Variants in NFKB1 observed in about 807,000 individuals in gnomAD.
NFKB1 encodes the protein nuclear factor NF-kappa-B p105 subunit.
In NFKB1, 9 loss-of-function variants were observed where a neutral mutation model predicts 105.1. The observed-to-expected ratio is 0.09, with a 90% confidence interval of 0.05 to 0.15. The LOEUF is 0.15. Ranked by LOEUF, NFKB1 falls within the 10% of genes least tolerant of loss-of-function variation. NFKB1 has a pLI of 1.00. For synonymous variants in NFKB1, 440 were observed against 442.2 expected (o/e 1.00, Z 0.06); for missense variants, 830 against 1,203.7 (o/e 0.69, Z 4.59).
Position 102,616,431 on chromosome 4 carries a change from C to G in NFKB1, c.2750-3C>G. The stretch of plus-strand genomic sequence containing the variant: ...CCAGTGAATTTGTGCTTTCTCCCCT[C>G]AGACGAGCTCCGAGACAGTGACAGT... On this transcript the variant is annotated splice_polypyrimidine_tract_variant and splice_region_variant and intron_variant, in intron 23 of 23. Transcript: ENST00000226574. 1 of 1,613,712 alleles carries G rather than the reference C, an allele frequency of 6.2e-7. No individual in the cohort carries two copies. The highest frequency in any genetic ancestry group is 1.1e-5 in the South Asian group (1 of 91,044).
intron 23 of NFKB1, among the ~76,000 whole-genome samples, chr4:102,615,420 A>C (rs533410363): frequency 2.6e-5 from 4 of 151,870 alleles, no homozygotes; most frequent in African/African-American, 9.7e-5. Flanking sequence ...CTTTCTTGCC[A>C]CTCAGTTTCA....
chr4:102,515,674 C>T (rs1292587199), intron 1 of NFKB1, among the ~76,000 whole-genome samples: 4 of 152,068 alleles, frequency 2.6e-5, no homozygotes, highest in African/African-American at 4.8e-5. Context: ...CAATGTTATA[C>T]TTCTGTTTGT....
At chr4:102,556,323 T>C (rs1313219387) in intron 5 of NFKB1, among the ~76,000 whole-genome samples, 1 of 152,144 alleles carries the variant, frequency 6.6e-6, no homozygotes, top group Non-Finnish European at 1.5e-5. Flanking sequence ...GAGATTTCAA[T>C]TTAGCCATCA....
Position 102,616,700 on chromosome 4 carries a change from C to G in NFKB1, c.*106C>G. 1 of 1,131,342 alleles carries G rather than the reference C, an allele frequency of 8.8e-7. No homozygotes were observed. The highest frequency in any genetic ancestry group is 1.2e-6 in the Non-Finnish European group (1 of 806,688). 70.1% of individuals were successfully genotyped at this position (1,131,342 alleles called of 1,614,324 possible). On this transcript the variant is annotated 3_prime_UTR_variant, in exon 24 of 24. Transcript: ENST00000226574. ...ATCCAAAGGTGCTCAGAGAGCCGGC[C>G]CGCCTGAATCATTCTCGATTTAACT...
intron 11 of NFKB1, among the ~76,000 whole-genome samples, chr4:102,587,182 C>T (rs1444297956): frequency 6.6e-6 from 1 of 152,228 alleles, no homozygotes; most frequent in Non-Finnish European, 1.5e-5. Flanking sequence ...CCTCTCCTTA[C>T]TTCCCTATCA....
chr4:102,578,915 G>A lies in NFKB1; in HGVS notation c.606G>A (p.Leu202=). ...REKELIRQAA[L]QQTKEMDLSV... The stretch of plus-strand genomic sequence containing the variant: ...AAGAGCTAATCCGCCAAGCAGCTCT[G>A]CAGCAGACCAAGGAGATGGACCTCA... Residue 202 remains leucine (L), a synonymous_variant, in exon 8 of 24, where the codon CTG becomes CTA. Coordinates refer to ENST00000226574, the MANE Select transcript of NFKB1 (RefSeq NM_003998.4). The A allele has an allele frequency of 6.2e-7, 1 of 1,614,128 alleles. No individual in the cohort carries two copies. The highest frequency in any genetic ancestry group is 8.5e-7 in the Non-Finnish European group (1 of 1,179,998).
chr4:102,596,398 GAT>G, intron 14 of NFKB1, 66 bp downstream of exon 14: 1 of 1,263,384 alleles, frequency 7.9e-7, no homozygotes, highest in African/African-American at 1.5e-5. Context: ...GGTGCAGAAA[GAT>G]ATCTGCTAAT....
chr4:102,558,903 A>G (rs1290146070), intron 5 of NFKB1, among the ~76,000 whole-genome samples: 1 of 152,214 alleles, frequency 6.6e-6, no homozygotes, highest in Non-Finnish European at 1.5e-5. Flanking sequence ...TTATTAATGT[A>G]TAGAGAAAAA....
At chr4:102,502,343 G>GTC (rs144715254) in intron 1 of NFKB1, among the ~76,000 whole-genome samples, 39 of 134,008 alleles carry the variant, frequency 2.9e-4, no homozygotes, top group Admixed American at 1.1e-3. Flanking sequence ...CTCGCTCTCT[G>GTC]TCTCTCTCTC....
At chr4:102,525,858 A>G (rs1740876538) in intron 2 of NFKB1, among the ~76,000 whole-genome samples, 1 of 152,178 alleles carries the variant, frequency 6.6e-6, no homozygotes, top group African/African-American at 2.4e-5. Context: ...TTAAAACAAC[A>G]AAATACATTA....
chr4:102,571,360 T>C (rs1233920286), intron 6 of NFKB1, among the ~76,000 whole-genome samples: 1 of 152,046 alleles, frequency 6.6e-6, no homozygotes, highest in Non-Finnish European at 1.5e-5. Context: ...TTAAATGTTA[T>C]ATCTAAAACC....
chr4:102,562,593 G>A (rs1723530425), intron 5 of NFKB1, among the ~76,000 whole-genome samples: 1 of 152,146 alleles, frequency 6.6e-6, no homozygotes, highest in African/African-American at 2.4e-5. Context: ...GCCAAGCACT[G>A]CATTAACTCA....
chr4:102,556,462 G>T (rs758177608), intron 5 of NFKB1, among the ~76,000 whole-genome samples: 22 of 152,134 alleles, frequency 1.4e-4, no homozygotes, highest in Non-Finnish European at 3.1e-4. Context: ...GAAGAAGAGT[G>T]CCTTAGCAAA....
intron 19 of NFKB1, among the ~76,000 whole-genome samples, chr4:102,608,556 GATC>G (rs1728044420): frequency 6.6e-6 from 1 of 152,076 alleles, no homozygotes; most frequent in Non-Finnish European, 1.5e-5. Context: ...TATCCATGCT[GATC>G]TTTGAATCTC....
chr4:102,559,333 A>G (rs567972193), intron 5 of NFKB1, among the ~76,000 whole-genome samples: 26 of 152,302 alleles, frequency 1.7e-4, no homozygotes, highest in African/African-American at 6.0e-4. Flanking sequence ...CCCTTGCACT[A>G]ATCACTCAGC....
intron 18 of NFKB1, 146 bp downstream of exon 18, chr4:102,607,465 CT>C: frequency 1.8e-6 from 2 of 1,117,104 alleles, no homozygotes; most frequent in Non-Finnish European, 2.6e-6. Context: ...AGAGTACCAC[CT>C]TTAGACATTC....
chr4:102,616,566 A>G lies in NFKB1; in HGVS notation c.2882A>G (p.Gln961Arg), dbSNP rs1398945464. The G allele has an allele frequency of 1.2e-6, 2 of 1,614,156 alleles. No individual in the cohort carries two copies. The highest frequency in any genetic ancestry group is 3.3e-5 in the Admixed American group (2 of 60,012). Reference protein sequence around the residue: ...TLNKMPHDYGQEGPLEGKI With the variant: ...TLNKMPHDYGREGPLEGKI ...AACAAAATGCCCCATGATTATGGGC[A>G]GGAAGGACCTCTAGAAGGCAAAATT... The change falls in exon 24 of 24, where the codon CAG becomes CGG. Residue 961 changes from glutamine (Q) to arginine (R), a missense_variant. Gln to Arg is a conservative substitution (Grantham distance 43, BLOSUM62 1). Transcript: ENST00000226574.
intron 2 of NFKB1, among the ~76,000 whole-genome samples, chr4:102,528,834 C>T (rs1741094602): frequency 6.6e-6 from 1 of 152,168 alleles, no homozygotes; most frequent in Non-Finnish European, 1.5e-5. Flanking sequence ...TTACCACATA[C>T]TTGGGGCTTA....
chr4:102,616,809 C>T lies in NFKB1; in HGVS notation c.*215C>T. On this transcript the variant is annotated 3_prime_UTR_variant, in exon 24 of 24. Transcript: ENST00000226574. The stretch of plus-strand genomic sequence containing the variant: ...ACTTACAGATAGTATCTAGCAATCA[C>T]AACACTGGCTGAGCGGATGCATCTG... 4 of 470,232 alleles carry T rather than the reference C, an allele frequency of 8.5e-6. No individual in the cohort carries two copies. The highest frequency in any genetic ancestry group is 1.1e-3 in the Middle Eastern group (2 of 1,746). 29.1% of individuals were successfully genotyped at this position (470,232 alleles called of 1,614,324 possible).
Sources: allele counts gnomAD v4.1 joint callset (sites outside exome capture counted in the v4.1 genomes callset), GRCh38; gene constraint gnomAD v4.1.1; transcripts MANE v1.5; gene names NCBI Gene and HGNC (gene_info 2026-07-23, HGNC 2026-07-21).